Variants in TMEM156 observed in about 807,000 individuals in gnomAD.
The protein encoded by TMEM156 is transmembrane protein 156.
TMEM156 carries 28 observed loss-of-function variants against 30.5 expected under a neutral mutation model. The observed-to-expected ratio is 0.92, with a 90% CI of 0.68 to 1.26. The LOEUF is 1.26. TMEM156 is among the 50% of genes most tolerant of loss of function. TMEM156 has a pLI of 0.00. For missense variants in TMEM156, 351 were observed against 340.6 expected, an observed-to-expected ratio of 1.03 and a Z score of -0.24; for synonymous variants, 137 against 119.9, an observed-to-expected ratio of 1.14 and a Z score of -0.93.
At chr4:39,027,088 T>C (rs1258359995) in intron 1 of TMEM156, among the ~76,000 whole-genome samples, 1 of 152,244 alleles carries the variant, frequency 6.6e-6, no homozygotes, top group South Asian at 2.1e-4. Context: ...GACACATTAC[T>C]GTGAATTATT....
chr4:38,992,818 G>C (rs1251063835), intron 3 of TMEM156, among the ~76,000 whole-genome samples: 3 of 147,158 alleles, frequency 2.0e-5, no homozygotes, highest in African/African-American at 7.6e-5. Context: ...CTGGAGTGCA[G>C]CAGCGCGATC....
chr4:39,002,180 T>C (rs1713409809), intron 1 of TMEM156, among the ~76,000 whole-genome samples: 1 of 145,996 alleles, frequency 6.8e-6, no homozygotes, highest in Non-Finnish European at 1.5e-5. Context: ...CTCAAACAAA[T>C]TTACAAGAAA....
chr4:39,030,248 G>C (rs1577597334), intron 1 of TMEM156, among the ~76,000 whole-genome samples: 1 of 151,898 alleles, frequency 6.6e-6, no homozygotes, highest in South Asian at 2.1e-4. Flanking sequence ...CTTGGACCAG[G>C]AGAAGAGAAA....
At chr4:38,996,366 C>T (rs1190554164) in intron 2 of TMEM156, among the ~76,000 whole-genome samples, 1 of 150,106 alleles carries the variant, frequency 6.7e-6, no homozygotes, top group Non-Finnish European at 1.5e-5. Flanking sequence ...TGAGACCAGC[C>T]TGGCCAACAC....
intron 1 of TMEM156, among the ~76,000 whole-genome samples, chr4:39,017,012 CATG>C (rs796854175): frequency 5.9e-5 from 9 of 152,140 alleles, no homozygotes; most frequent in African/African-American, 2.2e-4. Flanking sequence ...CATCAGATCT[CATG>C]ATATTTATTC....
At chr4:39,009,688 A>T (rs1713982168) in intron 1 of TMEM156, among the ~76,000 whole-genome samples, 1 of 152,294 alleles carries the variant, frequency 6.6e-6, no homozygotes, top group East Asian at 1.9e-4. Flanking sequence ...CATTCAATAA[A>T]ATCCAACATT....
intron 1 of TMEM156, among the ~76,000 whole-genome samples, chr4:39,030,755 A>G (rs1715462381): frequency 6.6e-6 from 1 of 152,184 alleles, no homozygotes; most frequent in South Asian, 2.1e-4. Flanking sequence ...AGCTAGATAG[A>G]TATATAGATA....
intron 3 of TMEM156, among the ~76,000 whole-genome samples, chr4:38,992,666 A>G (rs921700360): frequency 4.5e-5 from 3 of 66,550 alleles, no homozygotes; most frequent in Admixed American, 1.9e-4. Context: ...AATGTGCTAC[A>G]TATATATATA....
rs1437226658 is a variant in TMEM156, at chr4:39,001,094, T to C, written c.89-2185A>G. 3.3e-5 allele frequency among the ~76,000 whole-genome samples: 5 copies of C among 151,572 alleles called. No homozygotes were observed. In the East Asian group the frequency reaches 7.8e-4, roughly 24 times the overall value. ...CTTTCAGAAATTCCCAGTCTGATAG[T>C]CTTTTGTTAGCATAAGAAAACAACC... is the stretch of plus-strand genomic sequence containing the variant. On this transcript the variant is annotated intron_variant, in intron 1 of 6. Transcript: ENST00000381938.
At chr4:38,979,172 C>T (rs1444441026) in intron 5 of TMEM156, among the ~76,000 whole-genome samples, 1 of 152,232 alleles carries the variant, frequency 6.6e-6, no homozygotes, top group Non-Finnish European at 1.5e-5. Flanking sequence ...GATGTGCTGC[C>T]ATTGCAGGAG....
intron 1 of TMEM156, among the ~76,000 whole-genome samples, chr4:39,012,424 T>C (rs1332484056): frequency 6.6e-6 from 1 of 152,212 alleles, no homozygotes; most frequent in Non-Finnish European, 1.5e-5. Context: ...AATATTTATG[T>C]CAAAGTTATG....
At chr4:39,003,165 T>C (rs1261828904) in intron 1 of TMEM156, among the ~76,000 whole-genome samples, 1 of 152,134 alleles carries the variant, frequency 6.6e-6, no homozygotes, top group African/African-American at 2.4e-5. Flanking sequence ...ATTTTGATAG[T>C]AATTCCATAA....
intron 3 of TMEM156, 138 bp downstream of exon 3, chr4:38,993,600 A>T: frequency 1.4e-6 from 1 of 733,330 alleles, no homozygotes; most frequent in Non-Finnish European, 2.2e-6. Context: ...TAAATAGACT[A>T]ACATTCTTTC....
At position 39,031,894 on chromosome 4, in the gene TMEM156, AAAAT is replaced by A. The variant is rs1560391499; in HGVS notation, c.88+328_88+331del. On this transcript the variant is annotated intron_variant, in intron 1 of 6. Transcript: ENST00000381938. ...ACTCCATCTCAAAAAAAAAAAATAA[AAAAT>A]AAAAAAATAAAAAAAAACTGCTTTG... Among the ~76,000 whole-genome samples, 52 of 120,428 alleles carry A rather than the reference AAAAT, an allele frequency of 4.3e-4. 7 individuals are homozygous for A. The highest frequency in any genetic ancestry group is 1.0e-3 in the African/African-American group (37 of 35,908). The allele number at this position is 120,428 out of a possible 152,430, so 79.0% of individuals were successfully genotyped here.
rs1379887344 is a variant in TMEM156 at position 38,975,452 on chromosome 4, G to A, written c.824-4315C>T. Among the ~76,000 whole-genome samples, 6 of 148,308 alleles carry A rather than the reference G, an allele frequency of 4.0e-5. No homozygotes were observed. In the East Asian group the frequency reaches 7.9e-4, roughly 20 times the overall value. On this transcript the variant is annotated intron_variant, in intron 5 of 6. Coordinates refer to ENST00000381938, the MANE Select transcript of TMEM156 (RefSeq NM_024943.3). ...AGCTGGAGTGCAGTGGTGCAATCTCGGCTCACCGCAACCTCCACCTCCAGA... is the reference window on the plus strand; with the variant it reads ...AGCTGGAGTGCAGTGGTGCAATCTCAGCTCACCGCAACCTCCACCTCCAGA...
chr4:38,980,185 TAAA>T (rs780451036), intron 5 of TMEM156, among the ~76,000 whole-genome samples: 15 of 112,404 alleles, frequency 1.3e-4, no homozygotes, highest in Admixed American at 2.7e-4. Context: ...CCAGATTAAC[TAAA>T]AAAAAAAAAA....
chr4:39,012,958 GA>G lies in TMEM156; in HGVS notation c.89-14050del, dbSNP rs200077625. Among the ~76,000 whole-genome samples, 844 of 151,116 alleles carry G rather than the reference GA, an allele frequency of 5.6e-3. 6 individuals carry two copies. The highest frequency in any genetic ancestry group is 0.019 in the African/African-American group (797 of 41,192). ...GTGTCTCAGAAAAAAAAAAAGGAAA[GA>G]AAAAAAGAAAGAAGTGAAGGAAACA... is the stretch of plus-strand genomic sequence containing the variant. On this transcript the variant is annotated intron_variant, in intron 1 of 6. Transcript: ENST00000381938.
intron 1 of TMEM156, among the ~76,000 whole-genome samples, chr4:39,003,812 T>C (rs1264607880): frequency 6.6e-6 from 1 of 152,202 alleles, no homozygotes; most frequent in Non-Finnish European, 1.5e-5. Flanking sequence ...TTTCATTTTA[T>C]GAAACTTTCA....
chr4:39,024,910 A>G (rs1715101425), intron 1 of TMEM156, among the ~76,000 whole-genome samples: 1 of 152,230 alleles, frequency 6.6e-6, no homozygotes, highest in Non-Finnish European at 1.5e-5. Flanking sequence ...AATCTTTCAC[A>G]TTATTAGTTA....
Sources: gnomAD v4.1 joint callset for allele counts (sites outside exome capture counted in the v4.1 genomes callset) on GRCh38, gnomAD v4.1.1 for gene constraint, MANE v1.5 for transcripts, NCBI Gene and HGNC (gene_info 2026-07-23, HGNC 2026-07-21) for gene names.